TMEM132D: variants seen among roughly 807,000 people sequenced by gnomAD.
TMEM132D encodes mature OL transmembrane protein.
TMEM132D carries 21 observed loss-of-function variants against 62.3 expected under a neutral mutation model. That is an observed-to-expected ratio of 0.34 (90% confidence interval 0.24 to 0.49). TMEM132D has a LOEUF of 0.49. Ranked by LOEUF, TMEM132D falls within the 20% of genes least tolerant of loss-of-function variation. The pLI is 0.99. For synonymous variants in TMEM132D, 621 were observed against 575.6 expected (o/e 1.08, Z -1.13); for missense variants, 1,346 against 1,402.8 (o/e 0.96, Z 0.65).
intron 3 of TMEM132D, among the ~76,000 whole-genome samples, chr12:129,356,577 G>A (rs1367338228): frequency 6.6e-6 from 1 of 151,264 alleles, no homozygotes; most frequent in African/African-American, 2.4e-5. Context: ...TAACACTTTG[G>A]GAGGCCTAGG....
At chr12:129,125,536 G>A (rs532792630) in intron 5 of TMEM132D, among the ~76,000 whole-genome samples, 6 of 136,592 alleles carry the variant, frequency 4.4e-5, no homozygotes, top group Non-Finnish European at 9.1e-5. Context: ...ACAGGGTCTC[G>A]CTCTGTCACC....
chr12:129,168,139 A>G (rs1430076724), intron 5 of TMEM132D, among the ~76,000 whole-genome samples: 1 of 152,142 alleles, frequency 6.6e-6, no homozygotes, highest in Non-Finnish European at 1.5e-5. Flanking sequence ...CCCTTTTGAA[A>G]ACAGTGAAGG....
chr12:129,109,709 C>A (rs575355104), intron 5 of TMEM132D: 3 of 164,028 alleles, frequency 1.8e-5, no homozygotes, highest in South Asian at 3.7e-4. Context: ...GTGAGAAGTG[C>A]CTTTCGCCTC....
chr12:129,681,154 G>T lies in TMEM132D; in HGVS notation c.968+18656C>A, dbSNP rs927243617. On this transcript the variant is annotated intron_variant, in intron 2 of 8. Coordinates refer to ENST00000422113, the MANE Select transcript of TMEM132D (RefSeq NM_133448.3). The stretch of plus-strand genomic sequence containing the variant: ...TAGATTGAAGACAGACCACCAGCTG[G>T]TGTATCTACTCTCATCTGTCTTCTT... Among the ~76,000 whole-genome samples the T allele has an allele frequency of 2.6e-5, 4 of 152,192 alleles. No homozygotes were observed. In the South Asian group the frequency reaches 8.3e-4, roughly 32 times the overall value.
At chr12:129,358,089 A>G (rs182181863) in intron 3 of TMEM132D, among the ~76,000 whole-genome samples, 15 of 152,298 alleles carry the variant, frequency 9.8e-5, no homozygotes, top group Non-Finnish European at 1.9e-4. Flanking sequence ...GATTTTTGTC[A>G]TCATAAATTT....
chr12:129,550,267 C>T (rs1876857739), intron 2 of TMEM132D, among the ~76,000 whole-genome samples: 1 of 152,070 alleles, frequency 6.6e-6, no homozygotes, highest in Admixed American at 6.5e-5. Flanking sequence ...CTAAAAAACC[C>T]TGAAAGAGCA....
chr12:129,370,046 T>A (rs1324696150), intron 3 of TMEM132D, among the ~76,000 whole-genome samples: 3 of 152,228 alleles, frequency 2.0e-5, no homozygotes. Context: ...GATCCACCTG[T>A]CATTCTTGGA....
At chr12:129,113,273 C>T (rs1875782132) in intron 5 of TMEM132D, 2 of 152,228 alleles carry the variant, frequency 1.3e-5, no homozygotes, top group South Asian at 2.1e-4. Context: ...ATGTCACCAG[C>T]AATAAAGCCT....
intron 4 of TMEM132D, among the ~76,000 whole-genome samples, chr12:129,328,455 C>T (rs1021102922): frequency 6.6e-6 from 1 of 152,176 alleles, no homozygotes; most frequent in African/African-American, 2.4e-5. Flanking sequence ...ACACGGTGAG[C>T]AACAAAAGCA....
chr12:129,335,165 C>T (rs1279611684), intron 4 of TMEM132D, among the ~76,000 whole-genome samples: 6 of 144,602 alleles, frequency 4.1e-5, no homozygotes, highest in Non-Finnish European at 7.5e-5. Flanking sequence ...AGGGTCTCAC[C>T]CTGTCACACA....
At chr12:129,253,774 C>T (rs930482778) in intron 4 of TMEM132D, among the ~76,000 whole-genome samples, 1 of 152,142 alleles carries the variant, frequency 6.6e-6, no homozygotes, top group African/African-American at 2.4e-5. Context: ...TTCATGTAAA[C>T]TTAAATATTC....
At chr12:129,871,867 G>A (rs995810647) in intron 1 of TMEM132D, among the ~76,000 whole-genome samples, 2 of 152,280 alleles carry the variant, frequency 1.3e-5, no homozygotes, top group Admixed American at 1.3e-4. Flanking sequence ...AATCCCCCAT[G>A]GCCCTTCCGG....
intron 2 of TMEM132D, among the ~76,000 whole-genome samples, chr12:129,577,616 T>C (rs1306447828): frequency 6.6e-6 from 1 of 151,218 alleles, no homozygotes; most frequent in African/African-American, 2.5e-5. Context: ...GACTAGTATC[T>C]GCATATATTA....
At chr12:129,126,240 T>C (rs1216228109) in intron 5 of TMEM132D, among the ~76,000 whole-genome samples, 3 of 152,202 alleles carry the variant, frequency 2.0e-5, no homozygotes, top group African/African-American at 7.2e-5. Flanking sequence ...TATGGATCCA[T>C]ATTCATATCT....
intron 2 of TMEM132D, among the ~76,000 whole-genome samples, chr12:129,699,557 T>C (rs1337559810): frequency 1.3e-5 from 2 of 152,116 alleles, no homozygotes; most frequent in African/African-American, 2.4e-5. Context: ...GGAAAAGGCG[T>C]ACCATCAGCA....
chr12:129,403,726 T>G (rs1180398457), intron 3 of TMEM132D, among the ~76,000 whole-genome samples: 1 of 151,890 alleles, frequency 6.6e-6, no homozygotes, highest in Admixed American at 6.6e-5. Flanking sequence ...AGTTAGAAAA[T>G]TAATTTTAAA....
intron 1 of TMEM132D, among the ~76,000 whole-genome samples, chr12:129,836,542 T>C (rs1873011454): frequency 6.6e-6 from 1 of 151,998 alleles, no homozygotes; most frequent in South Asian, 2.1e-4. Flanking sequence ...GTACCCCGAA[T>C]ACTGAGAGAA....
At chr12:129,449,675 G>A (rs915530375) in intron 3 of TMEM132D, among the ~76,000 whole-genome samples, 8 of 152,124 alleles carry the variant, frequency 5.3e-5, no homozygotes, top group African/African-American at 1.9e-4. Flanking sequence ...ATTTTCCAGC[G>A]TCTCATTGTG....
intron 3 of TMEM132D, among the ~76,000 whole-genome samples, chr12:129,382,750 T>G (rs1348717616): frequency 6.6e-6 from 1 of 152,026 alleles, no homozygotes; most frequent in Non-Finnish European, 1.5e-5. Flanking sequence ...AAGTCAAAAG[T>G]GAGATTTGAG....
Sources: gnomAD v4.1 joint callset for allele counts (sites outside exome capture counted in the v4.1 genomes callset) on GRCh38, gnomAD v4.1.1 for gene constraint, MANE v1.5 for transcripts, NCBI Gene and HGNC (gene_info 2026-07-23, HGNC 2026-07-21) for gene names.